The following EP300 variants were observed in gnomAD, a reference collection of about 807,000 sequenced individuals.
The protein encoded by EP300 is histone acetyltransferase p300.
Under a neutral mutation model 264.0 loss-of-function variants are expected in EP300, and 31 were observed. The ratio of observed to expected loss-of-function variants is 0.12; its 90% CI spans 0.09 to 0.16. The LOEUF is 0.16. Ranked by LOEUF, EP300 falls within the 10% of genes least tolerant of loss-of-function variation. The probability of loss-of-function intolerance (pLI) is 1.00; values close to 1 mark genes in which losing one functional copy is unlikely to be tolerated. For missense variants in EP300, 2,766 were observed against 3,052.9 expected (o/e 0.91, Z 2.21); for synonymous variants, 1,340 against 1,045.4 (o/e 1.28, Z -5.44).
At chr22:41,108,058 A>G (rs1288998481) in intron 1 of EP300, 1 of 151,954 alleles carries the variant, frequency 6.6e-6, no homozygotes, top group Non-Finnish European at 1.5e-5. Context: ...GGAGCAAACC[A>G]CAAGCAATAT....
Position 41,168,960 on chromosome 22 carries a change from T to C in EP300, c.4172+93T>C, listed in dbSNP as rs911728297. On this transcript the variant is annotated intron_variant, in intron 25 of 30. Coordinates refer to ENST00000263253, the MANE Select transcript of EP300 (RefSeq NM_001429.4). Reference sequence around the variant, plus strand: ...GCATAACAGGCAAGAAAATGTTTAGTGTGTTTGGTTTGGAAATGCAAAATC... The same window carrying C: ...GCATAACAGGCAAGAAAATGTTTAGCGTGTTTGGTTTGGAAATGCAAAATC... The C allele has an allele frequency of 2.5e-6, 4 of 1,574,632 alleles. No individual in the cohort carries two copies. The South Asian group carries it at 4.5e-5, about 18-fold the overall frequency.
At chr22:41,154,973 A>G in intron 16 of EP300, 22 bp from the exon 17 acceptor site, 1 of 1,515,938 alleles carries the variant, frequency 6.6e-7, no homozygotes, top group Non-Finnish European at 9.2e-7. Flanking sequence ...AACTAATTTC[A>G]AATGCACTTT....
At chr22:41,099,199 G>C (rs926941885) in intron 1 of EP300, among the ~76,000 whole-genome samples, 3 of 152,048 alleles carry the variant, frequency 2.0e-5, no homozygotes, top group Non-Finnish European at 4.4e-5. Flanking sequence ...GAGTAGCTAG[G>C]ACTACAGCTG....
Position 41,149,952 on chromosome 22 carries a change from A to G in EP300, c.2571A>G (p.Thr857=). 2 of 1,613,442 alleles carry G rather than the reference A, an allele frequency of 1.2e-6. No homozygotes were observed. Among genetic ancestry groups the G allele is most frequent in the Non-Finnish European group, 1.7e-6 (2 of 1,179,820 alleles). Residue 857 remains threonine (T), a synonymous_variant, in exon 14 of 31, where the codon ACA becomes ACG. Transcript: ENST00000263253. ...PSIGAQQPPA[T]TIPAPVPTPP... ...TAGGGGCTCAGCAGCCACCAGCAACAACAATTCCAGCCCCTGTTCCTACAC... is the reference window on the plus strand; with the variant it reads ...TAGGGGCTCAGCAGCCACCAGCAACGACAATTCCAGCCCCTGTTCCTACAC...
rs1240949009 is a variant in EP300 at position 41,117,797 on chromosome 22, A to G, written c.705A>G (p.Gly235=). The G allele has an allele frequency of 1.2e-5, 19 of 1,614,170 alleles. No individual in the cohort carries two copies. The highest frequency in any genetic ancestry group is 1.6e-5 in the Non-Finnish European group (19 of 1,180,038). The part of the protein sequence containing the change: ...QGSPQMGGQT[G]LRGPQPLKMG... Reference sequence around the variant, plus strand: ...CTCCCCAGATGGGAGGACAAACAGGATTGAGAGGCCCCCAGCCTCTTAAGG... The same window carrying G: ...CTCCCCAGATGGGAGGACAAACAGGGTTGAGAGGCCCCCAGCCTCTTAAGG... The change falls in exon 2 of 31, where the codon GGA becomes GGG. Residue 235 remains glycine (G), a synonymous_variant. Transcript: ENST00000263253.
chr22:41,130,266 A>G (rs2058910579), intron 5 of EP300, among the ~76,000 whole-genome samples: 1 of 151,754 alleles, frequency 6.6e-6, no homozygotes, highest in Non-Finnish European at 1.5e-5. Context: ...AAAAAAAAAA[A>G]AAAAGAAAGA....
chr22:41,168,616 C>G lies in EP300; in HGVS notation c.4025+17C>G. On this transcript the variant is annotated intron_variant, in intron 24 of 30. Transcript: ENST00000263253. ...GAAAGCAAGGTATCTAGTCATTTCA[C>G]TTTTCTTCTCCTCGTGGATCCAAAA... The G allele has an allele frequency of 6.2e-7, 1 of 1,614,176 alleles. No homozygotes were observed. Among genetic ancestry groups the G allele is most frequent in the South Asian group, 1.1e-5 (1 of 91,084 alleles).
Position 41,155,056 on chromosome 22 carries a change from G to A in EP300, c.3204G>A (p.Gln1068=), listed in dbSNP as rs2059069260. 3 of 1,614,000 alleles carry A rather than the reference G, an allele frequency of 1.9e-6. No individual in the cohort carries two copies. Among genetic ancestry groups the A allele is most frequent in the African/African-American group, 2.7e-5 (2 of 74,912 alleles). Reference sequence around the variant, plus strand: ...CAACTTTGGAGGCACTTTACCGTCAGGATCCAGAATCCCTTCCCTTTCGTC... The same window carrying A: ...CAACTTTGGAGGCACTTTACCGTCAAGATCCAGAATCCCTTCCCTTTCGTC... ...LMPTLEALYR[Q]DPESLPFRQP... The change falls in exon 17 of 31, where the codon CAG becomes CAA. Residue 1068 remains glutamine (Q), a synonymous_variant. Transcript: ENST00000263253.
intron 28 of EP300, 41 bp from the exon 29 acceptor site, chr22:41,173,582 C>CA (rs1451233114): frequency 1.2e-6 from 2 of 1,610,494 alleles, no homozygotes; most frequent in African/African-American, 2.7e-5. Flanking sequence ...AATTACTTAA[C>CA]AAAAACCTTA....
Position 41,149,780 on chromosome 22 carries a change from C to T in EP300, c.2399C>T (p.Ser800Phe), listed in dbSNP as rs770068312. 1 of 1,613,968 alleles carries T rather than the reference C, an allele frequency of 6.2e-7. No homozygotes were observed. Among genetic ancestry groups the T allele is most frequent in the African/African-American group, 1.3e-5 (1 of 74,874 alleles). Residue 800 changes from serine (S) to phenylalanine (F), a missense_variant, in exon 14 of 31, where the codon TCC becomes TTC. Coordinates refer to ENST00000263253, the MANE Select transcript of EP300 (RefSeq NM_001429.4). ...PVSQAQMSSS[S>F]CPVNSPIMPP... ...TAACAGGCACAAATGTCTAGTTCTTCCTGCCCGGTGAACTCTCCTATAATG... is the reference window on the plus strand; with the variant it reads ...TAACAGGCACAAATGTCTAGTTCTTTCTGCCCGGTGAACTCTCCTATAATG...
intron 23 of EP300, 76 bp from the exon 24 acceptor site, chr22:41,168,373 T>G (rs2145762638): frequency 9.8e-4 from 1,498 of 1,525,346 alleles, no homozygotes; most frequent in Non-Finnish European, 1.2e-3. Context: ...AAAGTACAAA[T>G]GAGATTTGAG....
At chr22:41,138,042 A>G (rs1469553067) in intron 8 of EP300, among the ~76,000 whole-genome samples, 1 of 152,208 alleles carries the variant, frequency 6.6e-6, no homozygotes, top group Non-Finnish European at 1.5e-5. Context: ...ACAGTAAATA[A>G]TATATTAAAC....
At chr22:41,103,574 T>G (rs1258225940) in intron 1 of EP300, among the ~76,000 whole-genome samples, 2 of 152,182 alleles carry the variant, frequency 1.3e-5, no homozygotes, top group Admixed American at 6.5e-5. Context: ...ACAGGGTTGG[T>G]GGAAATTAAC....
intron 22 of EP300, among the ~76,000 whole-genome samples, chr22:41,166,209 A>G (rs991817909): frequency 1.3e-5 from 2 of 152,184 alleles, no homozygotes; most frequent in African/African-American, 2.4e-5. Context: ...TTAGGAGACA[A>G]ATATCATGTG....
intron 20 of EP300, among the ~76,000 whole-genome samples, chr22:41,161,376 G>C (rs1323877461): frequency 1.3e-5 from 2 of 152,162 alleles, no homozygotes; most frequent in African/African-American, 4.8e-5. Context: ...TCAGCACTTT[G>C]GGAGGCCAAG....
chr22:41,126,132 G>C, intron 3 of EP300, 92 bp downstream of exon 3: 1 of 1,359,210 alleles, frequency 7.4e-7, no homozygotes, highest in Non-Finnish European at 1.0e-6. Flanking sequence ...TATATGCTGG[G>C]ATTTGTACCC....
chr22:41,143,128 C>T (rs1039130481), intron 10 of EP300, among the ~76,000 whole-genome samples: 9 of 152,098 alleles, frequency 5.9e-5, no homozygotes, highest in Admixed American at 5.9e-4. Context: ...GAGATTCTTA[C>T]CTTAACCTGA....
Position 41,131,413 on chromosome 22 carries a change from A to C in EP300, c.1308A>C (p.Gly436=). ...QQPILTGAPV[G]LGNPSSLGVG... ...CAATTTTGACTGGAGCACCCGTTGG[A>C]CTTGGAAATCCTAGCTCTCTAGGGG... The change falls in exon 6 of 31, where the codon GGA becomes GGC. Residue 436 remains glycine (G), a synonymous_variant. Transcript: ENST00000263253. 1 of 1,613,998 alleles carries C rather than the reference A, an allele frequency of 6.2e-7. No homozygotes were observed. The highest frequency in any genetic ancestry group is 1.7e-5 in the Admixed American group (1 of 59,994).
At chr22:41,145,357 C>G (rs150735771) in intron 10 of EP300, among the ~76,000 whole-genome samples, 1 of 152,330 alleles carries the variant, frequency 6.6e-6, no homozygotes, top group African/African-American at 2.4e-5. Context: ...CATTTCCTCT[C>G]TCAGTTTTGC....
Sources: allele counts gnomAD v4.1 joint callset (sites outside exome capture counted in the v4.1 genomes callset), GRCh38; gene constraint gnomAD v4.1.1; transcripts MANE v1.5; gene names NCBI Gene and HGNC (gene_info 2026-07-23, HGNC 2026-07-21).